Variants in MYO16 observed in about 807,000 individuals in gnomAD.
The protein encoded by MYO16 is unconventional myosin-XVI.
A neutral mutation model predicts 205.3 loss-of-function variants in MYO16; 94 were observed. The ratio of observed to expected loss-of-function variants is 0.46; its 90% CI spans 0.39 to 0.54. The LOEUF is 0.54. MYO16 is among the 20% of genes least tolerant of loss of function. The probability of loss-of-function intolerance (pLI) is 0.00; values close to 1 mark genes in which losing one functional copy is unlikely to be tolerated. For missense variants in MYO16, 2,315 were observed against 2,387.5 expected, an observed-to-expected ratio of 0.97 and a Z score of 0.63; for synonymous variants, 988 against 954.0, an observed-to-expected ratio of 1.04 and a Z score of -0.66.
chr13:108,578,684 C>G, the MYO16 span, among the ~76,000 whole-genome samples: 1 of 152,184 alleles, frequency 6.6e-6, no homozygotes, highest in Admixed American at 6.5e-5. Flanking sequence ...GGTGCCCATA[C>G]ATTTCTCGTG....
chr13:108,844,124 G>T (rs188512628), intron 9 of MYO16, among the ~76,000 whole-genome samples: 1 of 152,130 alleles, frequency 6.6e-6, no homozygotes, highest in South Asian at 2.1e-4. Flanking sequence ...GTTCAAATAA[G>T]TATATACTTT....
chr13:108,744,499 TAC>T (rs2139620528), intron 4 of MYO16, among the ~76,000 whole-genome samples: 1 of 152,366 alleles, frequency 6.6e-6, no homozygotes, highest in East Asian at 1.9e-4. Flanking sequence ...CTCTCACGTT[TAC>T]ACTGAAGCTT....
intron 1 of MYO16, among the ~76,000 whole-genome samples, chr13:108,596,834 C>T (rs184059215): frequency 4.2e-3 from 635 of 152,104 alleles, no homozygotes; most frequent in African/African-American, 0.013. Flanking sequence ...TTTATTTCTA[C>T]GAAACAATCA....
intron 17 of MYO16, 114 bp downstream of exon 17, chr13:108,957,913 A>T: frequency 1.2e-6 from 1 of 812,454 alleles, no homozygotes; most frequent in South Asian, 1.6e-5. Context: ...GTTGCCGAGG[A>T]CACTGATGAT....
At chr13:109,014,966 C>A (rs942126216) in intron 22 of MYO16, among the ~76,000 whole-genome samples, 2 of 152,178 alleles carry the variant, frequency 1.3e-5, no homozygotes, top group African/African-American at 4.8e-5. Context: ...ATTTCCCTTG[C>A]CTGATTGCCC....
the MYO16 span, among the ~76,000 whole-genome samples, chr13:108,588,689 G>T: frequency 1.3e-5 from 2 of 152,134 alleles, no homozygotes; most frequent in Non-Finnish European, 2.9e-5. Flanking sequence ...TAGTTATGGT[G>T]AATTGGATAT....
chr13:109,077,317 G>C (rs915057138), intron 27 of MYO16, among the ~76,000 whole-genome samples: 13 of 152,134 alleles, frequency 8.5e-5, no homozygotes, highest in African/African-American at 3.1e-4. Context: ...ACTGTGCCCA[G>C]CCTGTATAGA....
At chr13:108,820,490 G>A (rs1458029648) in intron 8 of MYO16, 78 bp downstream of exon 8, 2 of 1,225,470 alleles carry the variant, frequency 1.6e-6, no homozygotes, top group South Asian at 2.6e-5. Context: ...TCCATCTTCA[G>A]CACAGCTACA....
At position 108,927,919 on chromosome 13, in the gene MYO16, A is replaced by G. The variant is rs914496452; in HGVS notation, c.1925+17769A>G. Among the ~76,000 whole-genome samples, 7 of 152,348 alleles carry G rather than the reference A, an allele frequency of 4.6e-5. No individual in the cohort carries two copies. In the South Asian group the frequency reaches 1.0e-3, roughly 23 times the overall value. On this transcript the variant is annotated intron_variant, in intron 16 of 34. Transcript: ENST00000457511. ...CTGAGCATGCGCTCTAGGCTGCACCATCTCGCGCCACCACACTGATTTCCA... is the reference window on the plus strand; with the variant it reads ...CTGAGCATGCGCTCTAGGCTGCACCGTCTCGCGCCACCACACTGATTTCCA...
At chr13:108,800,360 A>G (rs1886934980) in intron 6 of MYO16, among the ~76,000 whole-genome samples, 1 of 152,136 alleles carries the variant, frequency 6.6e-6, no homozygotes, top group South Asian at 2.1e-4. Context: ...CTTGATACCT[A>G]CACACAGTGG....
At chr13:108,508,134 T>C in the MYO16 span, among the ~76,000 whole-genome samples, 1 of 152,132 alleles carries the variant, frequency 6.6e-6, no homozygotes, top group Non-Finnish European at 1.5e-5. Context: ...TGTTACATAA[T>C]TCATAGATCT....
chr13:108,677,308 C>T (rs1383065795), intron 2 of MYO16, among the ~76,000 whole-genome samples: 1 of 143,590 alleles, frequency 7.0e-6, no homozygotes, highest in Non-Finnish European at 1.5e-5. Context: ...ATAAGGTGCA[C>T]ATGCATGTGT....
intron 27 of MYO16, among the ~76,000 whole-genome samples, chr13:109,074,208 G>A (rs571894831): frequency 1.8e-4 from 27 of 152,158 alleles, no homozygotes; most frequent in African/African-American, 6.5e-4. Flanking sequence ...AGCCCAAGAT[G>A]GTAACATCTA....
At chr13:109,101,104 TC>T (rs35806032) in intron 28 of MYO16, among the ~76,000 whole-genome samples, 8,379 of 152,250 alleles carry the variant, frequency 0.055, 307 homozygotes, top group Non-Finnish European at 0.082. Context: ...TCTAACAGGC[TC>T]CCTTTACAAC....
intron 16 of MYO16, among the ~76,000 whole-genome samples, chr13:108,938,501 G>A (rs372955234): frequency 9.8e-5 from 15 of 152,314 alleles, no homozygotes; most frequent in East Asian, 5.8e-4. Context: ...GCCACCAAGC[G>A]CTCAGTGCCT....
intron 1 of MYO16, among the ~76,000 whole-genome samples, chr13:108,640,834 A>G (rs1880474217): frequency 6.6e-6 from 1 of 152,244 alleles, no homozygotes; most frequent in Non-Finnish European, 1.5e-5. Flanking sequence ...TTTGACATAA[A>G]GGAAACTTTG....
chr13:108,806,801 C>T lies in MYO16; in HGVS notation c.864C>T (p.Gly288=). 6.5e-7 allele frequency: 1 copy of T among 1,530,518 alleles called. No homozygotes were observed. The highest frequency in any genetic ancestry group is 1.4e-5 in the South Asian group (1 of 71,260). 94.8% of individuals were successfully genotyped at this position (1,530,518 alleles called of 1,614,324 possible). A position where few individuals can be genotyped will look rare whatever the true frequency, so the allele number is the denominator to read the frequency against. ...CCCTCCACTTGGCAGCCAAATATGG[C>T]CAGGTAGAGTGATTTGCTGAATTCT... is the stretch of plus-strand genomic sequence containing the variant. The part of the protein sequence containing the change: ...WTPLHLAAKY[G]QTNLVKLLLM... The change falls in exon 7 of 35, where the codon GGC becomes GGT. Residue 288 remains glycine (G), a synonymous_variant. Transcript: ENST00000457511.
chr13:109,195,383 A>T (rs991869873), intron 34 of MYO16, among the ~76,000 whole-genome samples: 5 of 152,174 alleles, frequency 3.3e-5, no homozygotes, highest in Non-Finnish European at 5.9e-5. Flanking sequence ...AAACACCACA[A>T]GTGCTATTTT....
chr13:108,809,703 T>A (rs1887226271), intron 7 of MYO16, among the ~76,000 whole-genome samples: 1 of 152,164 alleles, frequency 6.6e-6, no homozygotes. Context: ...CTTCCAACAC[T>A]GGGGCTTGCA....
Sources: gnomAD v4.1 joint callset for allele counts (sites outside exome capture counted in the v4.1 genomes callset) on GRCh38, gnomAD v4.1.1 for gene constraint, MANE v1.5 for transcripts, NCBI Gene and HGNC (gene_info 2026-07-23, HGNC 2026-07-21) for gene names.